Variants in LHFPL6 observed in about 807,000 individuals in gnomAD.
The protein encoded by LHFPL6 is LHFPL tetraspan subfamily member 6.
Under a neutral mutation model 20.6 loss-of-function variants are expected in LHFPL6, and 9 were observed. That is an observed-to-expected ratio of 0.44 (90% CI 0.26 to 0.76). The LOEUF (loss-of-function observed/expected upper bound fraction) is 0.76, where lower values mean the gene tolerates loss of function less well. LHFPL6 is among the 30% of genes least tolerant of loss of function. The pLI is 0.20. For synonymous variants in LHFPL6, 105 were observed against 98.7 expected (o/e 1.06, Z -0.38); for missense variants, 218 against 253.5 (o/e 0.86, Z 0.95).
At chr13:39,419,944 GAAT>G (rs1377067272) in intron 2 of LHFPL6, among the ~76,000 whole-genome samples, 1 of 152,106 alleles carries the variant, frequency 6.6e-6, no homozygotes, top group East Asian at 1.9e-4. Context: ...AAAATGTCGA[GAAT>G]AATGATTTTC....
chr13:39,588,558 G>C (rs1872518816), intron 2 of LHFPL6, among the ~76,000 whole-genome samples: 1 of 152,210 alleles, frequency 6.6e-6, no homozygotes, highest in Non-Finnish European at 1.5e-5. Flanking sequence ...CTTGAAGAGG[G>C]AACTGTAGTA....
intron 2 of LHFPL6, among the ~76,000 whole-genome samples, chr13:39,426,236 T>C (rs980258312): frequency 2.6e-5 from 4 of 151,640 alleles, no homozygotes; most frequent in African/African-American, 7.3e-5. Context: ...TTTTTTTTTT[T>C]TGAGATGGAG....
At chr13:39,429,072 C>T (rs1871721046) in intron 2 of LHFPL6, among the ~76,000 whole-genome samples, 2 of 152,112 alleles carry the variant, frequency 1.3e-5, no homozygotes, top group Admixed American at 1.3e-4. Context: ...TTTTATCATA[C>T]ATATTCCTCT....
At chr13:39,410,983 A>G (rs1871230840) in intron 2 of LHFPL6, among the ~76,000 whole-genome samples, 1 of 152,256 alleles carries the variant, frequency 6.6e-6, no homozygotes, top group Non-Finnish European at 1.5e-5. Flanking sequence ...TAAGCGGTTT[A>G]TTATAGGGGA....
chr13:39,555,645 T>C (rs1037117541), intron 2 of LHFPL6, among the ~76,000 whole-genome samples: 4 of 152,154 alleles, frequency 2.6e-5, no homozygotes, highest in Non-Finnish European at 5.9e-5. Context: ...AGATATTTAG[T>C]AACAAAAATT....
chr13:39,454,378 C>A lies in LHFPL6; in HGVS notation c.386-75852G>T, dbSNP rs1872518906. Among the ~76,000 whole-genome samples, 3 of 32,850 alleles carry A rather than the reference C, an allele frequency of 9.1e-5. 1 individual carries two copies. Among genetic ancestry groups the A allele is most frequent in the Non-Finnish European group, 1.5e-4 (3 of 19,856 alleles). 21.6% of individuals were successfully genotyped at this position (32,850 alleles called of 152,430 possible). On this transcript the variant is annotated intron_variant, in intron 2 of 3. Coordinates refer to ENST00000379589, the MANE Select transcript of LHFPL6 (RefSeq NM_005780.3). ...GGCGCGGTGGCTCACGCCTGTAATCCCAGCACTTTGGGAGGCCGAGGCGGG... is the reference window on the plus strand; with the variant it reads ...GGCGCGGTGGCTCACGCCTGTAATCACAGCACTTTGGGAGGCCGAGGCGGG...
chr13:39,539,197 T>C (rs776569698), intron 2 of LHFPL6, among the ~76,000 whole-genome samples: 19 of 152,202 alleles, frequency 1.2e-4, no homozygotes, highest in Non-Finnish European at 1.2e-4. Flanking sequence ...ACCTTAGCCT[T>C]TTAGTTCTTT....
rs1004904500 is a variant in LHFPL6, at chr13:39,603,126, G to A, written c.-418C>T. On this transcript the variant is annotated 5_prime_UTR_variant, in exon 1 of 4. Coordinates refer to ENST00000379589, the MANE Select transcript of LHFPL6 (RefSeq NM_005780.3). ...CACTCCCGGCGAGTCCGCGGCGGCAGCTCTGGCGGAGCGCTGTGGGCGCGC... is the reference window on the plus strand; with the variant it reads ...CACTCCCGGCGAGTCCGCGGCGGCAACTCTGGCGGAGCGCTGTGGGCGCGC... 7.9e-5 allele frequency: 12 copies of A among 152,358 alleles called. No individual in the cohort carries two copies. The highest frequency in any genetic ancestry group is 2.7e-4 in the African/African-American group (11 of 41,460). 9.4% of individuals were successfully genotyped at this position (152,358 alleles called of 1,614,324 possible).
At chr13:39,568,743 TC>T (rs1871808947) in intron 2 of LHFPL6, among the ~76,000 whole-genome samples, 2 of 152,294 alleles carry the variant, frequency 1.3e-5, no homozygotes, top group African/African-American at 4.8e-5. Context: ...CACCCCTACA[TC>T]CTCTAATGTT....
intron 3 of LHFPL6, among the ~76,000 whole-genome samples, chr13:39,364,217 C>A (rs1382727916): frequency 1.3e-5 from 2 of 152,192 alleles, no homozygotes; most frequent in African/African-American, 4.8e-5. Context: ...GAGAAACCGG[C>A]CCTGGAAGAT....
intron 2 of LHFPL6, among the ~76,000 whole-genome samples, chr13:39,471,298 T>A (rs1872937663): frequency 6.6e-6 from 1 of 152,242 alleles, no homozygotes; most frequent in Non-Finnish European, 1.5e-5. Context: ...CTTTCCACCC[T>A]GAGCACATCA....
At chr13:39,418,733 C>G (rs1871408609) in intron 2 of LHFPL6, among the ~76,000 whole-genome samples, 1 of 152,170 alleles carries the variant, frequency 6.6e-6, no homozygotes, top group Non-Finnish European at 1.5e-5. Context: ...TCACAGAAAC[C>G]TCACAATATT....
At chr13:39,452,304 A>T (rs1477354441) in intron 2 of LHFPL6, among the ~76,000 whole-genome samples, 1 of 152,172 alleles carries the variant, frequency 6.6e-6, no homozygotes, top group Non-Finnish European at 1.5e-5. Flanking sequence ...CAGATTATGG[A>T]GTACTAGGAG....
intron 2 of LHFPL6, among the ~76,000 whole-genome samples, chr13:39,538,044 GC>G (rs1180168844): frequency 1.3e-5 from 2 of 148,630 alleles, no homozygotes; most frequent in Non-Finnish European, 3.0e-5. Flanking sequence ...AGGCTGGAGT[GC>G]AGTGGCGGGA....
chr13:39,400,139 A>G (rs1464184038), intron 2 of LHFPL6, among the ~76,000 whole-genome samples: 1 of 152,226 alleles, frequency 6.6e-6, no homozygotes, highest in Non-Finnish European at 1.5e-5. Flanking sequence ...ACCAAATTTG[A>G]TCCAAGAAAG....
Position 39,448,745 on chromosome 13 carries a change from A to C in LHFPL6, c.386-70219T>G, listed in dbSNP as rs1373946547. ...ATACACTTTTAATTTACTGATGTTA[A>C]TCCAACCAGATCATTTGGAAATATT... On this transcript the variant is annotated intron_variant, in intron 2 of 3. Transcript: ENST00000379589. Among the ~76,000 whole-genome samples, 4 of 152,248 alleles carry C rather than the reference A, an allele frequency of 2.6e-5. No individual in the cohort carries two copies. The East Asian group carries it at 5.8e-4, about 22-fold the overall frequency.
At chr13:39,544,896 T>C (rs565017383) in intron 2 of LHFPL6, among the ~76,000 whole-genome samples, 2 of 152,054 alleles carry the variant, frequency 1.3e-5, no homozygotes, top group Non-Finnish European at 1.5e-5. Flanking sequence ...TTACTACAAA[T>C]AGGCAAACAT....
chr13:39,404,477 CCAGA>C (rs1195156479), intron 2 of LHFPL6, among the ~76,000 whole-genome samples: 1 of 152,128 alleles, frequency 6.6e-6, no homozygotes, highest in Non-Finnish European at 1.5e-5. Context: ...TTAGAATCAC[CCAGA>C]CAGCTTTCAA....
chr13:39,508,386 A>C (rs535496126), intron 2 of LHFPL6, among the ~76,000 whole-genome samples: 1 of 152,300 alleles, frequency 6.6e-6, no homozygotes, highest in South Asian at 2.1e-4. Flanking sequence ...TTTGATGCAC[A>C]TACAATGGCA....
Sources: gnomAD v4.1 joint callset for allele counts (sites outside exome capture counted in the v4.1 genomes callset) on GRCh38, gnomAD v4.1.1 for gene constraint, MANE v1.5 for transcripts, NCBI Gene and HGNC (gene_info 2026-07-23, HGNC 2026-07-21) for gene names.